The following AFG2A variants were observed in gnomAD, a reference collection of about 807,000 sequenced individuals.
The protein encoded by AFG2A is ATPase family gene 2 protein homolog A.
chr4:123,170,257 C>G, the AFG2A span, among the ~76,000 whole-genome samples: 1 of 152,036 alleles, frequency 6.6e-6, no homozygotes, highest in African/African-American at 2.4e-5. Context: ...GAAGACTTAC[C>G]CCATCACTGG....
chr4:123,112,908 A>C, the AFG2A span, among the ~76,000 whole-genome samples: 6 of 152,170 alleles, frequency 3.9e-5, no homozygotes, highest in Admixed American at 6.5e-5. Flanking sequence ...GGCAATTTGA[A>C]CATTAGATTT....
the AFG2A span, among the ~76,000 whole-genome samples, chr4:123,132,415 G>A: frequency 1.3e-5 from 2 of 151,828 alleles, no homozygotes; most frequent in African/African-American, 2.4e-5. Context: ...TTCACTTAGC[G>A]TGATGTTTTC....
At chr4:123,164,275 A>G in the AFG2A span, among the ~76,000 whole-genome samples, 2 of 152,116 alleles carry the variant, frequency 1.3e-5, no homozygotes, top group Admixed American at 1.3e-4. Flanking sequence ...ATTTTGAGTT[A>G]TTTTCTAATT....
At chr4:123,038,773 G>C in the AFG2A span, among the ~76,000 whole-genome samples, 1 of 152,054 alleles carries the variant, frequency 6.6e-6, no homozygotes, top group Non-Finnish European at 1.5e-5. Context: ...CACAGTGCCA[G>C]ATTTTCAAGT....
chr4:123,035,091 T>G, the AFG2A span, among the ~76,000 whole-genome samples: 1 of 152,320 alleles, frequency 6.6e-6, no homozygotes, highest in African/African-American at 2.4e-5. Flanking sequence ...ACTTGCCTGT[T>G]TCACTGCACT....
chr4:122,934,876 C>A, the AFG2A span: 1 of 1,123,688 alleles, frequency 8.9e-7, no homozygotes, highest in Non-Finnish European at 1.2e-6. Context: ...ATTTCAGTTG[C>A]TTTGGGAGAT....
chr4:122,955,367 C>T, the AFG2A span, among the ~76,000 whole-genome samples: 2 of 152,204 alleles, frequency 1.3e-5, no homozygotes, highest in South Asian at 4.1e-4. Flanking sequence ...TTGTTACGGT[C>T]TCATGGCCTA....
At chr4:123,313,997 G>C in the AFG2A span, 1 of 1,611,560 alleles carries the variant, frequency 6.2e-7, no homozygotes. Flanking sequence ...GTGACACCTA[G>C]AATTCCTGAG....
chr4:123,198,117 A>C, the AFG2A span, among the ~76,000 whole-genome samples: 1 of 151,964 alleles, frequency 6.6e-6, no homozygotes, highest in Non-Finnish European at 1.5e-5. Flanking sequence ...AAAATTACAA[A>C]AATTAGCTGG....
the AFG2A span, among the ~76,000 whole-genome samples, chr4:123,279,526 G>T: frequency 6.6e-6 from 1 of 152,122 alleles, no homozygotes; most frequent in Admixed American, 6.6e-5. Flanking sequence ...AGGTAAATTT[G>T]AATCCCATCT....
the AFG2A span, among the ~76,000 whole-genome samples, chr4:123,052,977 C>A: frequency 6.6e-6 from 1 of 152,142 alleles, no homozygotes; most frequent in Non-Finnish European, 1.5e-5. Context: ...GGGCAGGAAG[C>A]ATCCAGCACA....
the AFG2A span, among the ~76,000 whole-genome samples, chr4:123,031,302 C>T: frequency 6.6e-6 from 1 of 152,064 alleles, no homozygotes; most frequent in African/African-American, 2.4e-5. Context: ...CAGGCAAGCA[C>T]CCCAACGCCC....
At chr4:122,935,221 T>G in the AFG2A span, among the ~76,000 whole-genome samples, 1 of 152,180 alleles carries the variant, frequency 6.6e-6, no homozygotes, top group Non-Finnish European at 1.5e-5. Context: ...CTCTCTGCTT[T>G]TTTCCTTTCT....
At chr4:123,181,199 T>A in the AFG2A span, among the ~76,000 whole-genome samples, 1 of 152,026 alleles carries the variant, frequency 6.6e-6, no homozygotes, top group African/African-American at 2.4e-5. Context: ...TTAGCCAGGA[T>A]GGTCTCGATC....
At chr4:122,961,233 C>A in the AFG2A span, among the ~76,000 whole-genome samples, 137,645 of 152,224 alleles carry the variant, frequency 0.9, 62,500 homozygotes, top group East Asian at 0.96. Context: ...TTTCTTCTTT[C>A]GCCTCTGGAA....
At chr4:123,134,018 A>G in the AFG2A span, among the ~76,000 whole-genome samples, 2 of 152,162 alleles carry the variant, frequency 1.3e-5, no homozygotes, top group Non-Finnish European at 2.9e-5. Flanking sequence ...TATTTTAGAT[A>G]TTAGCTCTTT....
the AFG2A span, among the ~76,000 whole-genome samples, chr4:123,146,706 A>G: frequency 6.6e-6 from 1 of 152,184 alleles, no homozygotes; most frequent in Non-Finnish European, 1.5e-5. Flanking sequence ...ATGTTGCAGC[A>G]CCATTGGAAC....
the AFG2A span, among the ~76,000 whole-genome samples, chr4:122,940,134 T>C: frequency 6.6e-6 from 1 of 152,190 alleles, no homozygotes; most frequent in Non-Finnish European, 1.5e-5. Context: ...TATAGTCCTT[T>C]GAGTATATAC....
chr4:123,007,897 C>G, the AFG2A span, among the ~76,000 whole-genome samples: 7 of 151,882 alleles, frequency 4.6e-5, no homozygotes, highest in Middle Eastern at 3.4e-3. Flanking sequence ...TATTGGTTTC[C>G]CTTTTCTCAA....
Sources: gnomAD v4.1 joint callset for allele counts (sites outside exome capture counted in the v4.1 genomes callset) on GRCh38, gnomAD v4.1.1 for gene constraint, MANE v1.5 for transcripts, NCBI Gene and HGNC (gene_info 2026-07-23, HGNC 2026-07-21) for gene names.